The following TOX2 variants were observed in gnomAD, a reference collection of about 807,000 sequenced individuals.
TOX2 encodes the protein TOX high mobility group box family member 2, also known as granulosa cell HMG box 1.
TOX2 carries 15 observed loss-of-function variants against 47.4 expected under a neutral mutation model. The observed-to-expected ratio is 0.32, with a 90% CI of 0.21 to 0.49. TOX2 has a LOEUF of 0.49. TOX2 is among the 20% of genes least tolerant of loss of function. The probability of loss-of-function intolerance (pLI) is 0.99; values close to 1 mark genes in which losing one functional copy is unlikely to be tolerated. For missense variants in TOX2, 622 were observed against 673.1 expected (o/e 0.92, Z 0.84); for synonymous variants, 290 against 296.6 (o/e 0.98, Z 0.23).
chr20:43,939,673 C>A (rs1435261866), intron 1 of TOX2, among the ~76,000 whole-genome samples: 2 of 152,204 alleles, frequency 1.3e-5, no homozygotes, highest in Admixed American at 6.5e-5. Flanking sequence ...TGAGTTTAAA[C>A]TGACCCTGCA....
At chr20:44,039,360 AT>A in intron 3 of TOX2, 1 of 1,248,854 alleles carries the variant, frequency 8.0e-7, no homozygotes, top group Non-Finnish European at 1.0e-6. Context: ...CTCATGGAGC[AT>A]TTTACATGGC....
intron 1 of TOX2, among the ~76,000 whole-genome samples, chr20:43,949,793 C>T (rs1336954681): frequency 1.3e-5 from 2 of 152,174 alleles, no homozygotes; most frequent in Non-Finnish European, 2.9e-5. Context: ...CTTCCCTGTG[C>T]CCGCTTCTGT....
intron 1 of TOX2, among the ~76,000 whole-genome samples, chr20:43,940,521 G>T (rs1341965429): frequency 6.9e-6 from 1 of 145,104 alleles, no homozygotes; most frequent in African/African-American, 2.7e-5. Flanking sequence ...ATCGCACCTG[G>T]CAACTTTTTT....
At chr20:43,991,344 C>T (rs1569070937) in intron 2 of TOX2, among the ~76,000 whole-genome samples, 1 of 152,204 alleles carries the variant, frequency 6.6e-6, no homozygotes, top group Non-Finnish European at 1.5e-5. Context: ...AGCCCAATGC[C>T]ATAGCAGACC....
At chr20:44,060,065 A>G (rs2145783021) in intron 5 of TOX2, among the ~76,000 whole-genome samples, 1 of 152,268 alleles carries the variant, frequency 6.6e-6, no homozygotes, top group East Asian at 1.9e-4. Context: ...GGAAAAAGAT[A>G]CTCCATGCAA....
At chr20:43,963,276 A>C (rs1458386431) in intron 1 of TOX2, among the ~76,000 whole-genome samples, 2 of 152,120 alleles carry the variant, frequency 1.3e-5, no homozygotes, top group African/African-American at 4.8e-5. Context: ...GATGCCTTTT[A>C]TTGACTGAAA....
At chr20:43,967,576 T>C (rs557369590) in intron 1 of TOX2, among the ~76,000 whole-genome samples, 1 of 152,236 alleles carries the variant, frequency 6.6e-6, no homozygotes, top group African/African-American at 2.4e-5. Context: ...CATACACTTG[T>C]CTGTTCACAC....
At chr20:44,002,080 G>A (rs1246795557) in intron 2 of TOX2, among the ~76,000 whole-genome samples, 1 of 151,952 alleles carries the variant, frequency 6.6e-6, no homozygotes, top group Non-Finnish European at 1.5e-5. Context: ...GCCTTTAGGT[G>A]GCAATAAGCC....
At chr20:43,918,278 T>C (rs563068227) in intron 1 of TOX2, among the ~76,000 whole-genome samples, 1 of 152,320 alleles carries the variant, frequency 6.6e-6, no homozygotes, top group East Asian at 1.9e-4. Context: ...CATTTGTTGC[T>C]TAGTGACCTA....
chr20:44,057,698 C>T (rs568912376), intron 5 of TOX2, among the ~76,000 whole-genome samples: 3 of 151,558 alleles, frequency 2.0e-5, no homozygotes, highest in South Asian at 2.1e-4. Context: ...ATAAACAATA[C>T]CAAAATTTAA....
At chr20:44,009,345 G>T (rs1216054462) in intron 3 of TOX2, among the ~76,000 whole-genome samples, 1 of 152,146 alleles carries the variant, frequency 6.6e-6, no homozygotes, top group Non-Finnish European at 1.5e-5. Context: ...ACAAGAAAGG[G>T]AAGGAGGGTG....
chr20:44,019,191 C>G lies in TOX2; in HGVS notation c.411+12399C>G, dbSNP rs564210699. Among the ~76,000 whole-genome samples, 5 of 152,344 alleles carry G rather than the reference C, an allele frequency of 3.3e-5. No individual in the cohort carries two copies. In the East Asian group the frequency reaches 9.6e-4, roughly 29 times the overall value. On this transcript the variant is annotated intron_variant, in intron 3 of 8. Coordinates refer to ENST00000341197, the MANE Select transcript of TOX2 (RefSeq NM_001098797.2). ...AACATCATTTTTGGAGACTAAGTTA[C>G]ATGGGGACCCTATAGCATCTTCTGT...
chr20:44,031,434 T>C (rs74335055), intron 3 of TOX2, among the ~76,000 whole-genome samples: 2,306 of 152,260 alleles, frequency 0.015, 56 homozygotes, highest in African/African-American at 0.051. Flanking sequence ...GGTTGTGCTA[T>C]ATTGGTGCGA....
chr20:44,020,416 T>G (rs2070956999), intron 3 of TOX2, among the ~76,000 whole-genome samples: 1 of 152,180 alleles, frequency 6.6e-6, no homozygotes, highest in African/African-American at 2.4e-5. Context: ...TGTATACCTA[T>G]GTAACAAACC....
chr20:44,048,075 C>A (rs1011472960), intron 3 of TOX2, among the ~76,000 whole-genome samples: 13 of 151,668 alleles, frequency 8.6e-5, no homozygotes, highest in African/African-American at 1.2e-4. Context: ...AAAAAGTAGC[C>A]GGGTGTGGTG....
intron 1 of TOX2, among the ~76,000 whole-genome samples, chr20:43,949,028 G>T (rs962177823): frequency 3.3e-5 from 5 of 152,164 alleles, no homozygotes; most frequent in African/African-American, 1.2e-4. Flanking sequence ...GTGTAGAAAG[G>T]CAGCTTTGAT....
intron 1 of TOX2, among the ~76,000 whole-genome samples, chr20:43,923,467 C>T (rs2069132367): frequency 6.6e-6 from 1 of 152,228 alleles, no homozygotes; most frequent in Non-Finnish European, 1.5e-5. Context: ...GAAGTTCTGA[C>T]TCAGCAGGCC....
intron 5 of TOX2, among the ~76,000 whole-genome samples, chr20:44,062,859 T>TAA (rs1427854113): frequency 1.3e-5 from 2 of 152,154 alleles, no homozygotes; most frequent in Non-Finnish European, 2.9e-5. Flanking sequence ...AACTGATCTT[T>TAA]AACAAAGCAA....
At chr20:44,038,585 A>G (rs1176765239) in intron 3 of TOX2, among the ~76,000 whole-genome samples, 2 of 151,994 alleles carry the variant, frequency 1.3e-5, no homozygotes, top group Non-Finnish European at 2.9e-5. Flanking sequence ...ATTGTGGGGG[A>G]AAAAAATTCC....
Sources: gnomAD v4.1 joint callset for allele counts (sites outside exome capture counted in the v4.1 genomes callset) on GRCh38, gnomAD v4.1.1 for gene constraint, MANE v1.5 for transcripts, NCBI Gene and HGNC (gene_info 2026-07-23, HGNC 2026-07-21) for gene names.